TTLL10: variants seen among roughly 807,000 people sequenced by gnomAD.
TTLL10 encodes inactive polyglycylase TTLL10.
A neutral mutation model predicts 69.0 loss-of-function variants in TTLL10; 61 were observed. The observed-to-expected ratio is 0.88, with a 90% CI of 0.72 to 1.09. The LOEUF (loss-of-function observed/expected upper bound fraction) is 1.09, where lower values mean the gene tolerates loss of function less well. Among genes scored for constraint, TTLL10 ranks in the 50% least tolerant of loss-of-function variants. TTLL10 has a pLI of 0.00. For missense variants in TTLL10, 962 were observed against 945.9 expected, an observed-to-expected ratio of 1.02 and a Z score of -0.22; for synonymous variants, 408 against 393.3, an observed-to-expected ratio of 1.04 and a Z score of -0.44.
At position 1,180,468 on chromosome 1, in the gene TTLL10, CCCCA is replaced by C; in HGVS notation, c.507-11_507-8del. 6.5e-7 allele frequency: 1 copy of C among 1,546,600 alleles called. No homozygotes were observed. Among genetic ancestry groups the C allele is most frequent in the Non-Finnish European group, 8.7e-7 (1 of 1,144,582 alleles). On this transcript the variant is annotated splice_polypyrimidine_tract_variant and intron_variant, in intron 6 of 15. Transcript: ENST00000379289. ...GCCTCGGCCCCCAGGTCACCCCCGC[CCCCA>C]CCCCTCGCAGCATCAGCTCCTACTG...
chr1:1,180,265 G>C lies in TTLL10; in HGVS notation c.431G>C (p.Gly144Ala), dbSNP rs1244334463. 1.9e-6 allele frequency: 3 copies of C among 1,599,616 alleles called. No individual in the cohort carries two copies. Among genetic ancestry groups the C allele is most frequent in the Non-Finnish European group, 2.6e-6 (3 of 1,174,248 alleles). Residue 144 changes from glycine to alanine, a missense_variant, in exon 6 of 16, where the codon GGG becomes GCG. Coordinates refer to ENST00000379289, the MANE Select transcript of TTLL10 (RefSeq NM_001130045.2). ...GCCCTCCTGGAGGGGCTCCTGCTGG[G>C]GGGTGGGAAGCCATCGCCCCACAGC... ...SAALLEGLLL[G>A]GGKPSPHSTR...
At chr1:1,195,357 T>A (rs984096486) in intron 13 of TTLL10, among the ~76,000 whole-genome samples, 19 of 152,176 alleles carry the variant, frequency 1.2e-4, no homozygotes, top group African/African-American at 4.3e-4. Context: ...AATTCAAATC[T>A]GCTGTTGAGC....
chr1:1,178,138 G>A (rs909053288), intron 3 of TTLL10, among the ~76,000 whole-genome samples: 5 of 152,088 alleles, frequency 3.3e-5, no homozygotes, highest in Non-Finnish European at 5.9e-5. Context: ...GATTGGTGCC[G>A]AGCTCTGTGC....
At chr1:1,197,375 T>G in intron 15 of TTLL10, 63 bp from the exon 16 acceptor site, 5 of 213,806 alleles carry the variant, frequency 2.3e-5, no homozygotes, top group South Asian at 4.6e-5. Context: ...CCTCACACCC[T>G]CCCCACCCCC....
Position 1,197,453 on chromosome 1 carries a change from C to T in TTLL10, c.1628C>T (p.Thr543Ile). Residue 543 changes from threonine (T) to isoleucine (I), a missense_variant, in exon 16 of 16, where the codon ACC (threonine) becomes ATC (isoleucine). Physicochemically the swap from Thr to Ile is moderately conservative, Grantham distance 89. Coordinates refer to ENST00000379289, the MANE Select transcript of TTLL10 (RefSeq NM_001130045.2). ...CCCGCACCAGACCTGGTGCTCGAGACCTTCCGGAAGAGCCTGCGCGGCCAG... is the reference window on the plus strand; with the variant it reads ...CCCGCACCAGACCTGGTGCTCGAGATCTTCCGGAAGAGCCTGCGCGGCCAG... ...VIETLDLVLE[T>I]FRKSLRGQKM... 2 of 1,542,046 alleles carry T rather than the reference C, an allele frequency of 1.3e-6. No homozygotes were observed. The highest frequency in any genetic ancestry group is 1.7e-6 in the Non-Finnish European group (2 of 1,143,692).
chr1:1,185,719 C>T lies in TTLL10; in HGVS notation c.1401+610C>T. On this transcript the variant is annotated intron_variant, in intron 13 of 15. Transcript: ENST00000379289. This position sits in a 1 kb window ranked among gnomAD's most constrained non-coding sequence, Gnocchi z 6.1. ...CCGGCCAGGCCCCGGAAGCAGCAGC[C>T]AGGGATGGTCCTTCCTCACCCACAG... The T allele has an allele frequency of 2.0e-6, 2 of 985,554 alleles. No individual in the cohort carries two copies. Among genetic ancestry groups the T allele is most frequent in the Non-Finnish European group, 2.4e-6 (2 of 830,014 alleles). 61.1% of individuals were successfully genotyped at this position (985,554 alleles called of 1,614,324 possible). A position where few individuals can be genotyped will look rare whatever the true frequency, so the allele number is the denominator to read the frequency against.
At chr1:1,175,583 T>A (rs1332313959) in intron 3 of TTLL10, 1 of 410,820 alleles carries the variant, frequency 2.4e-6, no homozygotes, top group East Asian at 7.1e-5. Context: ...CCGCCTATCC[T>A]GAGCTGTCCC....
rs1167675818 is a variant in TTLL10, at chr1:1,185,297, C to T, written c.1401+188C>T. 2.1e-6 allele frequency: 3 copies of T among 1,406,436 alleles called. No homozygotes were observed. In the Admixed American group the frequency reaches 9.2e-5, roughly 43 times the overall value. The allele number at this position is 1,406,436 out of a possible 1,614,324, so 87.1% of individuals were successfully genotyped here. A position where few individuals can be genotyped will look rare whatever the true frequency, so the allele number is the denominator to read the frequency against. On this transcript the variant is annotated intron_variant, in intron 13 of 15. Coordinates refer to ENST00000379289, the MANE Select transcript of TTLL10 (RefSeq NM_001130045.2). The surrounding 1 kb of genome is among the most constrained non-coding windows in gnomAD (Gnocchi z 6.1). Reference sequence around the variant, plus strand: ...CTTAGCTGGCAGTGCCTGTCCCCAGCAGCCAGCAAAGGCCCGGACGGAAAG... The same window carrying T: ...CTTAGCTGGCAGTGCCTGTCCCCAGTAGCCAGCAAAGGCCCGGACGGAAAG...
intron 13 of TTLL10, among the ~76,000 whole-genome samples, chr1:1,195,799 TTAGC>T (rs2100924250): frequency 6.6e-6 from 1 of 151,988 alleles, no homozygotes; most frequent in African/African-American, 2.4e-5. Flanking sequence ...ACCACCACGC[TTAGC>T]TAATTTTGCT....
Position 1,180,762 on chromosome 1 carries a change from C to G in TTLL10, c.657C>G (p.Asn219Lys), listed in dbSNP as rs753532754. Residue 219 changes from asparagine (N) to lysine (K), a missense_variant, in exon 8 of 16, where the codon AAC (asparagine) becomes AAG (lysine). Physicochemically the swap from Asn to Lys is moderately conservative, Grantham distance 94 (BLOSUM62 0). Coordinates refer to ENST00000379289, the MANE Select transcript of TTLL10 (RefSeq NM_001130045.2). ...AGCTGCTGTACCAGCTTCCCAACAA[C>G]AAGCTCCTCACCACCAAGATCGGGC... ...GEQLLYQLPN[N>K]KLLTTKIGLL... The G allele has an allele frequency of 6.2e-7, 1 of 1,608,832 alleles. No individual in the cohort carries two copies. Among genetic ancestry groups the G allele is most frequent in the Non-Finnish European group, 8.5e-7 (1 of 1,178,054 alleles).
intron 4 of TTLL10, 124 bp from the exon 5 acceptor site, chr1:1,179,533 G>T (rs977898869): frequency 6.8e-7 from 1 of 1,471,552 alleles, no homozygotes. Flanking sequence ...GTCGCGCTCC[G>T]CGGCCCAGGG....
chr1:1,185,385 C>T lies in TTLL10; in HGVS notation c.1401+276C>T. ...GCCTCGCCGTAGGGTCAGGGGACAG[C>T]TCGGCTTCAGTGACAGCCACCATGT... On this transcript the variant is annotated intron_variant, in intron 13 of 15. Transcript: ENST00000379289. This position sits in a 1 kb window ranked among gnomAD's most constrained non-coding sequence, Gnocchi z 6.1. 7.7e-7 allele frequency: 1 copy of T among 1,296,592 alleles called. No homozygotes were observed. Among genetic ancestry groups the T allele is most frequent in the Non-Finnish European group, 9.8e-7 (1 of 1,023,010 alleles). The allele number at this position is 1,296,592 out of a possible 1,614,324, so 80.3% of individuals were successfully genotyped here. A position where few individuals can be genotyped will look rare whatever the true frequency, so the allele number is the denominator to read the frequency against.
In TTLL10 at chr1:1,183,024, G is replaced by A; in HGVS notation, c.1065G>A (p.Gly355=). The A allele has an allele frequency of 6.2e-7, 1 of 1,608,430 alleles. No individual in the cohort carries two copies. The highest frequency in any genetic ancestry group is 8.5e-7 in the Non-Finnish European group (1 of 1,177,968). ...DPIHHKTPFR[G]PQARVVQRYI... ...TCCACCACAAGACGCCGTTCCGGGG[G>A]CCTCAGGCGCGGGTGGTGCAGAGGT... is the stretch of plus-strand genomic sequence containing the variant. Residue 355 remains glycine, a synonymous_variant, in exon 11 of 16, where the codon GGG becomes GGA. Coordinates refer to ENST00000379289, the MANE Select transcript of TTLL10 (RefSeq NM_001130045.2).
At chr1:1,182,104 C>T (rs1402272846) in intron 9 of TTLL10, among the ~76,000 whole-genome samples, 2 of 152,182 alleles carry the variant, frequency 1.3e-5, no homozygotes, top group African/African-American at 4.8e-5. Flanking sequence ...GGGAGAGCAA[C>T]CATGAGGGAA....
intron 13 of TTLL10, among the ~76,000 whole-genome samples, chr1:1,194,705 A>G (rs1232393589): frequency 2.0e-5 from 3 of 152,348 alleles, no homozygotes; most frequent in East Asian, 1.9e-4. Flanking sequence ...TGCCTCATAC[A>G]TAACGAGCGG....
In TTLL10 at chr1:1,179,698, C is replaced by T. The variant is rs1472422415; in HGVS notation, c.160C>T (p.Gln54Ter). The part of the protein sequence containing the change: ...ASRLHPAPAS[Q>*]PGPCPAPGHC... ...ACGTCTGCACCCAGCACCGGCCTCA[C>T]AGCCCGGCCCCTGCCCTGCACCAGG... Residue 54 changes from glutamine to a stop codon, truncating the protein, a stop_gained, in exon 5 of 16, where the codon CAG becomes TAG. Coordinates refer to ENST00000379289, the MANE Select transcript of TTLL10 (RefSeq NM_001130045.2). LOFTEE classifies it high-confidence loss of function. 6.4e-7 allele frequency: 1 copy of T among 1,550,828 alleles called. No individual in the cohort carries two copies. The highest frequency in any genetic ancestry group is 2.4e-5 in the East Asian group (1 of 40,910).
intron 11 of TTLL10, 134 bp downstream of exon 11, chr1:1,183,181 A>T (rs1182033487): frequency 1.6e-5 from 18 of 1,132,984 alleles, no homozygotes; most frequent in Admixed American, 2.9e-5. Flanking sequence ...TGCAGACCAC[A>T]GCCGGGCCCC....
At chr1:1,178,556 C>T (rs1214650596) in intron 3 of TTLL10, among the ~76,000 whole-genome samples, 2 of 149,152 alleles carry the variant, frequency 1.3e-5, no homozygotes, top group African/African-American at 2.5e-5. Context: ...AATGAAGCTC[C>T]GTCTCAAAAA....
At chr1:1,180,451 C>T (rs1647018319) in intron 6 of TTLL10, 32 bp from the exon 7 acceptor site, 2 of 1,507,332 alleles carry the variant, frequency 1.3e-6, no homozygotes, top group Non-Finnish European at 1.8e-6. Context: ...TTGCCTCGGC[C>T]CCCAGGTCAC....
Sources: allele counts gnomAD v4.1 joint callset (sites outside exome capture counted in the v4.1 genomes callset), GRCh38; gene constraint gnomAD v4.1.1; non-coding constraint Gnocchi (gnomAD v3.1); transcripts MANE v1.5; gene names NCBI Gene and HGNC (gene_info 2026-07-23, HGNC 2026-07-21).